MYH9: variants seen among roughly 807,000 people sequenced by gnomAD.
MYH9 encodes the protein myosin-9.
In MYH9, 29 loss-of-function variants were observed where a neutral mutation model predicts 241.9. The observed-to-expected ratio is 0.12, with a 90% CI of 0.09 to 0.16. The LOEUF (loss-of-function observed/expected upper bound fraction) is 0.16, where lower values mean the gene tolerates loss of function less well. MYH9 is among the 10% of genes least tolerant of loss of function. MYH9 has a pLI of 1.00. For synonymous variants in MYH9, 1,047 were observed against 1,062.6 expected (o/e 0.99, Z 0.29); for missense variants, 1,803 against 2,595.5 (o/e 0.69, Z 6.63).
rs136207 is a variant in MYH9, at chr22:36,360,030, ACACCAC to A, written c.-19-10781_-19-10776del. 4.6e-3 allele frequency among the ~76,000 whole-genome samples: 467 copies of A among 102,242 alleles called. 6 individuals carry two copies. Among genetic ancestry groups the A allele is most frequent in the African/African-American group, 0.015 (414 of 27,786 alleles). The allele number at this position is 102,242 out of a possible 152,430, so 67.1% of individuals were successfully genotyped here. A position where few individuals can be genotyped will look rare whatever the true frequency, so the allele number is the denominator to read the frequency against. On this transcript the variant is annotated intron_variant, in intron 1 of 40. Transcript: ENST00000216181. ...TTTCCTAGCTTTAGAATGAGGACAA[ACACCAC>A]CACCACCACCACCACCACCACCACC...
chr22:36,302,887 G>A (rs1483828484), intron 19 of MYH9, among the ~76,000 whole-genome samples: 1 of 152,170 alleles, frequency 6.6e-6, no homozygotes. Flanking sequence ...CTTACAGTCG[G>A]TGAAGGACCT....
chr22:36,382,196 C>T (rs1484867844), intron 1 of MYH9, among the ~76,000 whole-genome samples: 2 of 152,118 alleles, frequency 1.3e-5, no homozygotes, highest in African/African-American at 4.8e-5. Context: ...GAGTGCTGGC[C>T]AGGTGCGGTG....
chr22:36,323,129 T>C lies in MYH9; in HGVS notation c.613-608A>G, dbSNP rs528322885. ...CCAGGCTGTTTACTGAGAATGTCAATAAATCCTACTGTGAACTCCAGGGTG... is the reference window on the plus strand; with the variant it reads ...CCAGGCTGTTTACTGAGAATGTCAACAAATCCTACTGTGAACTCCAGGGTG... On this transcript the variant is annotated intron_variant, in intron 5 of 40. Transcript: ENST00000216181. 1.9e-4 allele frequency among the ~76,000 whole-genome samples: 29 copies of C among 152,278 alleles called. No individual in the cohort carries two copies. In the South Asian group the frequency reaches 2.7e-3, roughly 14 times the overall value.
In MYH9 at chr22:36,359,564, G is replaced by A. The variant is rs118085366; in HGVS notation, c.-19-10309C>T. On this transcript the variant is annotated intron_variant, in intron 1 of 40. Coordinates refer to ENST00000216181, the MANE Select transcript of MYH9 (RefSeq NM_002473.6). ...CATACTGGGGCTTTCAATCTACAAA[G>A]AGAAATAGGACTGAGGATAATTTAC... Among the ~76,000 whole-genome samples, 37 of 152,352 alleles carry A rather than the reference G, an allele frequency of 2.4e-4. No individual in the cohort carries two copies. In the East Asian group the frequency reaches 7.1e-3, roughly 29 times the overall value.
At chr22:36,297,748 C>T (rs933491932) in intron 24 of MYH9, among the ~76,000 whole-genome samples, 3 of 152,212 alleles carry the variant, frequency 2.0e-5, no homozygotes, top group African/African-American at 4.8e-5. Context: ...GTTCATCGCA[C>T]GCTCTGATCA....
intron 3 of MYH9, among the ~76,000 whole-genome samples, chr22:36,331,733 C>T (rs1387377376): frequency 6.6e-6 from 1 of 152,252 alleles, no homozygotes; most frequent in African/African-American, 2.4e-5. Flanking sequence ...AAGATCACAC[C>T]TCCCGAGGTT....
At position 36,320,803 on chromosome 22, in the gene MYH9, A is replaced by G; in HGVS notation, c.863T>C (p.Leu288Pro). ...GCTGCAGGCCAACTACTCACTCTTC[A>G]GGTGCTCTCCAGCCCCAGACAGGAG... The part of the protein sequence containing the change: ...YYLLSGAGEH[L>P]KTDLLLEPYN... The change falls in exon 8 of 41, where the codon CTG becomes CCG. Residue 288 changes from leucine (L) to proline (P), a missense_variant. Coordinates refer to ENST00000216181, the MANE Select transcript of MYH9 (RefSeq NM_002473.6). The surrounding 1 kb of genome is among the most constrained non-coding windows in gnomAD (Gnocchi z 4.8). 11 of 1,613,264 alleles carry G rather than the reference A, an allele frequency of 6.8e-6. No homozygotes were observed. Among genetic ancestry groups the G allele is most frequent in the Non-Finnish European group, 9.3e-6 (11 of 1,179,306 alleles).
chr22:36,387,613 G>A (rs1749881897), intron 1 of MYH9, among the ~76,000 whole-genome samples, 194 bp downstream of exon 1: 1 of 151,564 alleles, frequency 6.6e-6, no homozygotes, highest in South Asian at 2.1e-4. Context: ...CTCCCCGAGC[G>A]CCCGCGTGGG....
chr22:36,327,586 T>C (rs2017356165), intron 3 of MYH9, 98 bp from the exon 4 acceptor site: 3 of 1,354,376 alleles, frequency 2.2e-6, no homozygotes, highest in Middle Eastern at 1.8e-4. Flanking sequence ...GGGAGCACAG[T>C]GTCACAGATG....
chr22:36,386,876 G>A (rs2018360155), intron 1 of MYH9, among the ~76,000 whole-genome samples: 2 of 152,268 alleles, frequency 1.3e-5, no homozygotes, highest in South Asian at 4.1e-4. Context: ...TGCGTGGAGT[G>A]GAGAATAGAA....
intron 3 of MYH9, among the ~76,000 whole-genome samples, chr22:36,336,665 C>T (rs2017504824): frequency 6.6e-6 from 1 of 152,226 alleles, no homozygotes. Context: ...CCCAAGGCCA[C>T]GCTGGGCACG....
chr22:36,311,189 A>G (rs1344963259), intron 14 of MYH9, among the ~76,000 whole-genome samples: 1 of 152,212 alleles, frequency 6.6e-6, no homozygotes, highest in Admixed American at 6.5e-5. Context: ...ATATGCTGAG[A>G]AAAACCAGCT....
At position 36,293,810 on chromosome 22, in the gene MYH9, G is replaced by T; in HGVS notation, c.3891C>A (p.Ser1297Arg). ...GCGCGGAGAAGTCCTTGGTGAGCTT[G>T]CTGGACTTGCTGTCGGACTGGCTGA... ...GLLSQSDSKS[S>R]KLTKDFSALE... Residue 1297 changes from serine (S) to arginine (R), a missense_variant, in exon 29 of 41, where the codon AGC becomes AGA. Around this residue, in one of 11 missense-constraint regions of MYH9, gnomAD observed 876 missense variants for 1,077.8 expected, o/e 0.81. Transcript: ENST00000216181. This position sits in a 1 kb window ranked among gnomAD's most constrained non-coding sequence, Gnocchi z 5.1. 1 of 1,613,984 alleles carries T rather than the reference G, an allele frequency of 6.2e-7. No homozygotes were observed. Among genetic ancestry groups the T allele is most frequent in the South Asian group, 1.1e-5 (1 of 91,082 alleles).
chr22:36,313,765 A>T (rs2017105600), intron 13 of MYH9, among the ~76,000 whole-genome samples: 1 of 152,204 alleles, frequency 6.6e-6, no homozygotes, highest in South Asian at 2.1e-4. Context: ...GCAGCCCGCG[A>T]TAGGGCCTTA....
chr22:36,295,770 C>G lies in MYH9; in HGVS notation c.3273-53G>C. 1 of 1,527,630 alleles carries G rather than the reference C, an allele frequency of 6.5e-7. No individual in the cohort carries two copies. Among genetic ancestry groups the G allele is most frequent in the Non-Finnish European group, 8.9e-7 (1 of 1,118,282 alleles). 94.6% of individuals were successfully genotyped at this position (1,527,630 alleles called of 1,614,324 possible). Reference sequence around the variant, plus strand: ...TAAGGAGAGTTTCACCTCCAAGGAGCAGAGTTTGCAGGACAGGCCTGAGAG... The same window carrying G: ...TAAGGAGAGTTTCACCTCCAAGGAGGAGAGTTTGCAGGACAGGCCTGAGAG... On this transcript the variant is annotated intron_variant, in intron 25 of 40. Transcript: ENST00000216181. This position sits in a 1 kb window ranked among gnomAD's most constrained non-coding sequence, Gnocchi z 4.1.
At chr22:36,302,725 G>T in intron 19 of MYH9, 49 bp from the exon 20 acceptor site, 1 of 1,502,898 alleles carries the variant, frequency 6.7e-7, no homozygotes, top group South Asian at 1.1e-5. Flanking sequence ...CAGCAGACCC[G>T]ACCTAACAGT....
chr22:36,326,404 C>T (rs2017335915), intron 5 of MYH9, among the ~76,000 whole-genome samples, 164 bp downstream of exon 5: 1 of 152,240 alleles, frequency 6.6e-6, no homozygotes, highest in African/African-American at 2.4e-5. Flanking sequence ...GGACCACTCC[C>T]AGGACAGGCC....
chr22:36,289,408 G>T, intron 31 of MYH9, 111 bp from the exon 32 acceptor site: 1 of 1,009,592 alleles, frequency 9.9e-7, no homozygotes, highest in Non-Finnish European at 1.5e-6. Context: ...CGGTGGAGAG[G>T]AGCAGGCCTA....
chr22:36,296,846 G>GCCTCACCTGGTCCTCACCTGGCT lies in MYH9; in HGVS notation c.3268_3269insAGCCAGGTGAGGACCAGGTGAGG (p.Ala1090GlufsTer60). On this transcript the variant is annotated frameshift_variant, in exon 25 of 41. Coordinates refer to ENST00000216181, the MANE Select transcript of MYH9 (RefSeq NM_002473.6). LOFTEE classifies it high-confidence loss of function. ...GGCGGGCAGGCGGGGTCCTCACCTG[G>GCCTCACCTGGTCCTCACCTGGCT]CCAGGGCGGCCTGGAGCTCCTCCTC... 6.2e-7 allele frequency: 1 copy of GCCTCACCTGGTCCTCACCTGGCT among 1,608,818 alleles called. No homozygotes were observed. The highest frequency in any genetic ancestry group is 1.1e-5 in the South Asian group (1 of 90,900).
Sources: allele counts gnomAD v4.1 joint callset (sites outside exome capture counted in the v4.1 genomes callset), GRCh38; gene constraint gnomAD v4.1.1; regional missense constraint gnomAD v4.1.1; non-coding constraint Gnocchi (gnomAD v3.1); transcripts MANE v1.5; gene names NCBI Gene and HGNC (gene_info 2026-07-23, HGNC 2026-07-21).